GRID1: variants seen among roughly 807,000 people sequenced by gnomAD.
GRID1 encodes glutamate receptor ionotropic, delta-1.
A neutral mutation model predicts 98.0 loss-of-function variants in GRID1; 28 were observed. The ratio of observed to expected loss-of-function variants is 0.29; its 90% CI spans 0.21 to 0.39. The LOEUF (loss-of-function observed/expected upper bound fraction) is 0.39. Among genes scored for constraint, GRID1 ranks in the 10% least tolerant of loss-of-function variants. The probability of loss-of-function intolerance (pLI) is 1.00; values close to 1 mark genes in which losing one functional copy is unlikely to be tolerated. For missense variants in GRID1, 1,111 were observed against 1,340.5 expected (o/e 0.83, Z 2.67); for synonymous variants, 553 against 538.5 (o/e 1.03, Z -0.37).
chr10:86,029,913 A>G (rs1843162793), intron 4 of GRID1, among the ~76,000 whole-genome samples: 1 of 152,180 alleles, frequency 6.6e-6, no homozygotes, highest in South Asian at 2.1e-4. Flanking sequence ...GGCAAGTAAA[A>G]TTTTAGAGGG....
intron 2 of GRID1, among the ~76,000 whole-genome samples, chr10:86,296,769 A>G (rs943886676): frequency 7.1e-5 from 10 of 140,476 alleles, no homozygotes; most frequent in East Asian, 2.1e-4. Context: ...ATACATACAT[A>G]CATGCATACA....
At chr10:86,298,613 C>T (rs573587938) in intron 2 of GRID1, among the ~76,000 whole-genome samples, 6 of 152,288 alleles carry the variant, frequency 3.9e-5, no homozygotes, top group Middle Eastern at 3.4e-3. Flanking sequence ...GCCCTCCCCA[C>T]CTCCCTGGAA....
intron 2 of GRID1, among the ~76,000 whole-genome samples, chr10:86,351,592 C>A (rs1848462490): frequency 6.6e-6 from 1 of 152,312 alleles, no homozygotes; most frequent in Admixed American, 6.5e-5. Flanking sequence ...AGTCAAATAG[C>A]CAGCTGCATG....
intron 4 of GRID1, among the ~76,000 whole-genome samples, chr10:85,935,073 T>C (rs1365119552): frequency 6.6e-6 from 1 of 152,230 alleles, no homozygotes; most frequent in East Asian, 1.9e-4. Flanking sequence ...ATGCTGACCA[T>C]GACGGGTCCC....
At chr10:85,770,801 G>A (rs1404563043) in intron 8 of GRID1, among the ~76,000 whole-genome samples, 1 of 152,142 alleles carries the variant, frequency 6.6e-6, no homozygotes, top group African/African-American at 2.4e-5. Context: ...AACGAACAAA[G>A]CCTCCAAGAA....
chr10:85,754,434 G>A (rs781459159), intron 8 of GRID1, among the ~76,000 whole-genome samples: 1 of 152,154 alleles, frequency 6.6e-6, no homozygotes. Context: ...TTACATATGA[G>A]AAAAAGGTTT....
At chr10:85,999,744 A>T (rs1415702153) in intron 4 of GRID1, among the ~76,000 whole-genome samples, 1 of 152,222 alleles carries the variant, frequency 6.6e-6, no homozygotes, top group Non-Finnish European at 1.5e-5. Flanking sequence ...TGGATGCAGA[A>T]AAAAAGCACA....
intron 3 of GRID1, among the ~76,000 whole-genome samples, chr10:86,177,896 C>T (rs1466231419): frequency 6.6e-6 from 1 of 152,044 alleles, no homozygotes; most frequent in African/African-American, 2.4e-5. Flanking sequence ...AACAAAGGCT[C>T]CAGTATGTGT....
At chr10:85,956,165 C>A (rs1391973547) in intron 4 of GRID1, among the ~76,000 whole-genome samples, 2 of 152,170 alleles carry the variant, frequency 1.3e-5, no homozygotes, top group African/African-American at 4.8e-5. Flanking sequence ...AATATTTATT[C>A]TTATTTTAAT....
chr10:86,250,116 T>TCCC (rs1359471981), intron 2 of GRID1, among the ~76,000 whole-genome samples: 9 of 152,074 alleles, frequency 5.9e-5, no homozygotes, highest in African/African-American at 2.2e-4. Flanking sequence ...TGCATGCATG[T>TCCC]ATGAGTCAAC....
In GRID1 at chr10:85,602,297, G is replaced by T. The variant is rs904849402; in HGVS notation, c.3006C>A (p.Asp1002Glu). ...VPGGVLPEAL[D>E]TSHGTSI Reference sequence around the variant, plus strand: ...GTCAGATGGAGGTCCCGTGGGAGGTGTCCAGAGCCTCTGGAAGGACGCCTC... The same window carrying T: ...GTCAGATGGAGGTCCCGTGGGAGGTTTCCAGAGCCTCTGGAAGGACGCCTC... The change falls in exon 16 of 16, where the codon GAC becomes GAA. Residue 1002 changes from aspartate (D) to glutamate (E), a missense_variant. Physicochemically the swap from Asp to Glu is conservative, Grantham distance 45. Around this residue, in one of 3 missense-constraint regions of GRID1, gnomAD observed 762 missense variants for 869.1 expected, o/e 0.88. Transcript: ENST00000327946. The T allele has an allele frequency of 1.3e-6, 2 of 1,536,320 alleles. No individual in the cohort carries two copies. The highest frequency in any genetic ancestry group is 1.4e-5 in the African/African-American group (1 of 72,762).
At chr10:86,186,557 GC>G (rs202183582) in intron 3 of GRID1, among the ~76,000 whole-genome samples, 6,601 of 152,264 alleles carry the variant, frequency 0.043, 196 homozygotes, top group South Asian at 0.079. Flanking sequence ...AAGCTTCATA[GC>G]CACCAGTGTT....
At chr10:86,144,378 C>T (rs936388789) in intron 3 of GRID1, among the ~76,000 whole-genome samples, 3 of 152,102 alleles carry the variant, frequency 2.0e-5, no homozygotes, top group Admixed American at 2.0e-4. Context: ...GATCCTTGCT[C>T]GCCCCATGAC....
intron 4 of GRID1, among the ~76,000 whole-genome samples, chr10:86,046,804 T>C (rs535294548): frequency 1.3e-5 from 2 of 150,386 alleles, no homozygotes; most frequent in African/African-American, 4.9e-5. Flanking sequence ...GCAATCTCTT[T>C]ACATCTGTAA....
At chr10:85,802,526 C>T (rs927894511) in intron 8 of GRID1, among the ~76,000 whole-genome samples, 1 of 151,822 alleles carries the variant, frequency 6.6e-6, no homozygotes, top group South Asian at 2.1e-4. Context: ...TTATTCGTAA[C>T]CTTTTAAAAA....
intron 4 of GRID1, among the ~76,000 whole-genome samples, chr10:86,137,185 C>T (rs1844940070): frequency 6.6e-6 from 1 of 152,188 alleles, no homozygotes; most frequent in African/African-American, 2.4e-5. Context: ...GGCTAAAATC[C>T]TCTAGAACGA....
chr10:86,046,433 G>A (rs1435048306), intron 4 of GRID1, among the ~76,000 whole-genome samples: 1 of 152,104 alleles, frequency 6.6e-6, no homozygotes, highest in Non-Finnish European at 1.5e-5. Flanking sequence ...GCAAATCCAG[G>A]AACCTTCATG....
intron 2 of GRID1, among the ~76,000 whole-genome samples, chr10:86,324,046 G>A (rs1482842870): frequency 6.6e-6 from 1 of 152,100 alleles, no homozygotes; most frequent in Non-Finnish European, 1.5e-5. Flanking sequence ...GGGCATGGTG[G>A]TGCACACCTG....
intron 3 of GRID1, among the ~76,000 whole-genome samples, chr10:86,194,156 G>T (rs569389080): frequency 2.0e-5 from 3 of 152,046 alleles, no homozygotes; most frequent in African/African-American, 4.8e-5. Context: ...TTTGAAAACA[G>T]AATCTCCTGC....
Sources: gnomAD v4.1 joint callset for allele counts (sites outside exome capture counted in the v4.1 genomes callset) on GRCh38, gnomAD v4.1.1 for gene constraint, gnomAD v4.1.1 regional missense constraint, MANE v1.5 for transcripts, NCBI Gene and HGNC (gene_info 2026-07-23, HGNC 2026-07-21) for gene names.